KCNIP4: variants seen among roughly 807,000 people sequenced by gnomAD.
The protein encoded by KCNIP4 is Kv channel-interacting protein 4.
KCNIP4 carries 12 observed loss-of-function variants against 34.0 expected under a neutral mutation model. The observed-to-expected ratio is 0.35, with a 90% confidence interval of 0.23 to 0.57. The LOEUF (loss-of-function observed/expected upper bound fraction) is 0.57, where lower values mean the gene tolerates loss of function less well. Ranked by LOEUF, KCNIP4 falls within the 20% of genes least tolerant of loss-of-function variation. KCNIP4 has a pLI of 0.83. For missense variants in KCNIP4, 238 were observed against 311.7 expected (o/e 0.76, Z 1.78); for synonymous variants, 124 against 102.2 (o/e 1.21, Z -1.29).
At chr4:21,945,327 C>T (rs13141979) in intron 1 of KCNIP4, among the ~76,000 whole-genome samples, 1 of 152,114 alleles carries the variant, frequency 6.6e-6, no homozygotes, top group Admixed American at 6.6e-5. Flanking sequence ...GAGAGGGTGG[C>T]TGAATTTCAA....
At chr4:21,809,625 G>T (rs1721504387) in intron 1 of KCNIP4, among the ~76,000 whole-genome samples, 1 of 152,082 alleles carries the variant, frequency 6.6e-6, no homozygotes, top group Non-Finnish European at 1.5e-5. Context: ...CTAGTGTAGT[G>T]CATGATACAA....
chr4:21,832,661 A>G (rs1375814090), intron 1 of KCNIP4, among the ~76,000 whole-genome samples: 1 of 150,058 alleles, frequency 6.7e-6, no homozygotes, highest in Non-Finnish European at 1.5e-5. Flanking sequence ...ACATATGTAT[A>G]CATGTGACAT....
chr4:21,657,463 G>A (rs1052476637), intron 1 of KCNIP4, among the ~76,000 whole-genome samples: 1 of 152,124 alleles, frequency 6.6e-6, no homozygotes, highest in Non-Finnish European at 1.5e-5. Context: ...AAAATTCTTA[G>A]GCTGTAGAGT....
chr4:20,899,312 T>A (rs140336461), intron 1 of KCNIP4, among the ~76,000 whole-genome samples: 4 of 152,316 alleles, frequency 2.6e-5, no homozygotes, highest in African/African-American at 9.6e-5. Context: ...CTAATTTGAT[T>A]TTTAGTAACT....
rs369007812 is a variant in KCNIP4, at chr4:21,563,808, A to T, written c.61+384763T>A. Among the ~76,000 whole-genome samples, 255 of 152,174 alleles carry T rather than the reference A, an allele frequency of 1.7e-3. 11 individuals are homozygous for T. In the South Asian group the frequency reaches 0.046, roughly 28 times the overall value. ...GGTCTTGGGAAACACTAGGACCTGG[A>T]TCTCAGATGAGAAAACATGTTTTAA... On this transcript the variant is annotated intron_variant, in intron 1 of 8. Transcript: ENST00000382152.
chr4:21,935,427 A>C (rs185108016), intron 1 of KCNIP4, among the ~76,000 whole-genome samples: 30 of 152,042 alleles, frequency 2.0e-4, no homozygotes, highest in African/African-American at 7.0e-4. Context: ...TCACAGCCTC[A>C]TCACTTCTCA....
intron 1 of KCNIP4, among the ~76,000 whole-genome samples, chr4:21,008,868 T>G (rs1006957832): frequency 6.6e-6 from 1 of 152,030 alleles, no homozygotes; most frequent in Non-Finnish European, 1.5e-5. Flanking sequence ...TCATTGGGTA[T>G]TTCATTAGGA....
chr4:21,574,375 A>G (rs1740583216), intron 1 of KCNIP4, among the ~76,000 whole-genome samples: 1 of 151,922 alleles, frequency 6.6e-6, no homozygotes, highest in South Asian at 2.1e-4. Flanking sequence ...GAGATCAAAG[A>G]GAGTGTTCTA....
chr4:21,270,655 A>T (rs1004091123), intron 1 of KCNIP4, among the ~76,000 whole-genome samples: 1 of 152,078 alleles, frequency 6.6e-6, no homozygotes, highest in Non-Finnish European at 1.5e-5. Flanking sequence ...CATTCAATTA[A>T]TTTTTTTCCA....
intron 1 of KCNIP4, among the ~76,000 whole-genome samples, chr4:21,916,401 T>C (rs1048245584): frequency 8.5e-5 from 13 of 152,188 alleles, no homozygotes; most frequent in Non-Finnish European, 1.5e-4. Flanking sequence ...CCTGATGTCA[T>C]AAGCAATCTC....
chr4:20,729,695 A>AAAACCATTCAAAATCCTAG lies in KCNIP4; in HGVS notation c.*368_*386dup, dbSNP rs1216654788. Reference sequence around the variant, plus strand: ...TTAAATGCAGATGTCACTATATTAGAAAACCATTCAAAATCCTAGGACTGA... The same window carrying AAAACCATTCAAAATCCTAG: ...TTAAATGCAGATGTCACTATATTAGAAAACCATTCAAAATCCTAGAAACCATTCAAAATCCTAGGACTGA... On this transcript the variant is annotated 3_prime_UTR_variant, in exon 9 of 9. Coordinates refer to ENST00000382152, the MANE Select transcript of KCNIP4 (RefSeq NM_025221.6). The AAAACCATTCAAAATCCTAG allele has an allele frequency of 1.2e-5, 2 of 161,466 alleles. No individual in the cohort carries two copies. The allele number at this position is 161,466 out of a possible 1,614,324, so 10.0% of individuals were successfully genotyped here.
At chr4:21,496,456 C>T (rs1261831820) in intron 1 of KCNIP4, among the ~76,000 whole-genome samples, 1 of 152,178 alleles carries the variant, frequency 6.6e-6, no homozygotes, top group Non-Finnish European at 1.5e-5. Flanking sequence ...ATTCTAATGA[C>T]AGGGTAGATA....
rs982698572 is a variant in KCNIP4 at position 21,517,265 on chromosome 4, T to A, written c.61+431306A>T. ...CGTCAGAGTGGGATCCAGGACCCCC[T>A]TCCTGTAAATAACCATAAACACAGG... On this transcript the variant is annotated intron_variant, in intron 1 of 8. Coordinates refer to ENST00000382152, the MANE Select transcript of KCNIP4 (RefSeq NM_025221.6). Among the ~76,000 whole-genome samples, 48 of 152,090 alleles carry A rather than the reference T, an allele frequency of 3.2e-4. 1 individual carries two copies. The highest frequency in any genetic ancestry group is 5.9e-5 in the Non-Finnish European group (4 of 68,018).
intron 3 of KCNIP4, among the ~76,000 whole-genome samples, chr4:20,845,075 C>A (rs1720200532): frequency 6.6e-6 from 1 of 152,126 alleles, no homozygotes; most frequent in Non-Finnish European, 1.5e-5. Context: ...TGGATACAAC[C>A]TATGTGACCC....
intron 3 of KCNIP4, among the ~76,000 whole-genome samples, chr4:20,765,788 A>G (rs1468567239): frequency 2.0e-5 from 3 of 152,164 alleles, no homozygotes; most frequent in Non-Finnish European, 2.9e-5. Context: ...TTTCTTTGCA[A>G]TATAACTGCC....
intron 1 of KCNIP4, among the ~76,000 whole-genome samples, chr4:21,671,100 T>C (rs537927998): frequency 6.6e-6 from 1 of 152,266 alleles, no homozygotes; most frequent in African/African-American, 2.4e-5. Context: ...TATTCAGAGT[T>C]GACTGAGCAC....
intron 1 of KCNIP4, among the ~76,000 whole-genome samples, chr4:21,739,137 T>C (rs894159768): frequency 6.6e-6 from 1 of 152,110 alleles, no homozygotes; most frequent in African/African-American, 2.4e-5. Flanking sequence ...ATTGTAAAAT[T>C]AGGTTAAACC....
At chr4:21,328,266 A>G (rs1042110542) in intron 1 of KCNIP4, among the ~76,000 whole-genome samples, 1 of 152,190 alleles carries the variant, frequency 6.6e-6, no homozygotes, top group African/African-American at 2.4e-5. Flanking sequence ...CTGCAGCCAC[A>G]TCTGCATTAG....
intron 1 of KCNIP4, among the ~76,000 whole-genome samples, chr4:21,652,885 A>T (rs1468125170): frequency 6.6e-6 from 1 of 152,196 alleles, no homozygotes; most frequent in African/African-American, 2.4e-5. Context: ...GGATGTGCTT[A>T]AGCATAACTT....
Sources: allele counts gnomAD v4.1 joint callset (sites outside exome capture counted in the v4.1 genomes callset), GRCh38; gene constraint gnomAD v4.1.1; transcripts MANE v1.5; gene names NCBI Gene and HGNC (gene_info 2026-07-23, HGNC 2026-07-21).